The following ASXL2 variants were observed in gnomAD, a reference collection of about 807,000 sequenced individuals.
ASXL2 encodes the protein putative Polycomb group protein ASXL2.
A neutral mutation model predicts 122.0 loss-of-function variants in ASXL2; 23 were observed. The observed-to-expected ratio is 0.19, with a 90% confidence interval of 0.14 to 0.27. ASXL2 has a LOEUF of 0.27. Among genes scored for constraint, ASXL2 ranks in the 10% least tolerant of loss-of-function variants. ASXL2 has a pLI of 1.00. For synonymous variants in ASXL2, 650 were observed against 637.0 expected, an observed-to-expected ratio of 1.02 and a Z score of -0.31; for missense variants, 1,518 against 1,713.8, an observed-to-expected ratio of 0.89 and a Z score of 2.02.
intron 3 of ASXL2, among the ~76,000 whole-genome samples, chr2:25,808,021 A>ACACACACACACACACACACC (rs766637532): frequency 6.7e-6 from 1 of 148,516 alleles, no homozygotes; most frequent in African/African-American, 2.5e-5. Context: ...ACACACACAC[A>ACACACACACACACACACACC]CTCTCCACCC....
At chr2:25,774,768 C>T (rs1219804184) in intron 5 of ASXL2, among the ~76,000 whole-genome samples, 2 of 152,176 alleles carry the variant, frequency 1.3e-5, no homozygotes, top group African/African-American at 2.4e-5. Context: ...TTAGGTGATA[C>T]TGCCAGTTTT....
intron 8 of ASXL2, among the ~76,000 whole-genome samples, chr2:25,763,746 T>G (rs567776190): frequency 2.0e-5 from 3 of 152,200 alleles, no homozygotes; most frequent in African/African-American, 4.8e-5. Flanking sequence ...CCCTATGAAG[T>G]AGGTAACTAT....
At chr2:25,803,303 C>T (rs2089027574) in intron 4 of ASXL2, among the ~76,000 whole-genome samples, 1 of 152,178 alleles carries the variant, frequency 6.6e-6, no homozygotes, top group Non-Finnish European at 1.5e-5. Context: ...TTTGTAATAT[C>T]CTTTATAATA....
intron 4 of ASXL2, among the ~76,000 whole-genome samples, chr2:25,804,772 G>C (rs1487765704): frequency 2.0e-5 from 3 of 152,146 alleles, no homozygotes; most frequent in Admixed American, 6.5e-5. Flanking sequence ...CTTGAAGGCC[G>C]GGCACGGTGG....
chr2:25,806,437 C>T (rs562481950), intron 3 of ASXL2, 100 bp from the exon 4 acceptor site: 2 of 724,194 alleles, frequency 2.8e-6, no homozygotes, highest in African/African-American at 1.8e-5. Context: ...AGTCAATACT[C>T]CTTTGACTTA....
Position 25,734,709 on chromosome 2 carries a change from GT to G in ASXL2, c.*7319del, listed in dbSNP as rs1553689475. ...TCTAATATAGTGTTTAGGAAGCCAA[GT>G]TCCATTTCACTTAACAGATGGAGGT... On this transcript the variant is annotated 3_prime_UTR_variant, in exon 13 of 13. Coordinates refer to ENST00000435504, the MANE Select transcript of ASXL2 (RefSeq NM_018263.6). 6.6e-6 allele frequency: 1 copy of G among 152,182 alleles called. No individual in the cohort carries two copies. Among genetic ancestry groups the G allele is most frequent in the Non-Finnish European group, 1.5e-5 (1 of 68,014 alleles). 9.4% of individuals were successfully genotyped at this position (152,182 alleles called of 1,614,324 possible).
At chr2:25,802,760 G>T (rs1361684552) in intron 4 of ASXL2, among the ~76,000 whole-genome samples, 1 of 152,082 alleles carries the variant, frequency 6.6e-6, no homozygotes, top group African/African-American at 2.4e-5. Flanking sequence ...GATCACCAAC[G>T]GCCAATAATT....
At chr2:25,797,203 T>C (rs1030170737) in intron 5 of ASXL2, among the ~76,000 whole-genome samples, 1 of 152,084 alleles carries the variant, frequency 6.6e-6, no homozygotes, top group South Asian at 2.1e-4. Context: ...TCCCAGCACT[T>C]TGGGAGGCCA....
chr2:25,755,887 C>A, intron 10 of ASXL2, 131 bp downstream of exon 10: 2 of 768,618 alleles, frequency 2.6e-6, no homozygotes, highest in Non-Finnish European at 4.5e-6. Flanking sequence ...GTGTTCCACA[C>A]ATGATGGTTA....
intron 1 of ASXL2, among the ~76,000 whole-genome samples, chr2:25,848,295 T>C (rs1319615186): frequency 6.6e-6 from 1 of 152,242 alleles, no homozygotes; most frequent in Non-Finnish European, 1.5e-5. Context: ...AATATTTTAA[T>C]GGGTTTTAAA....
rs2087784063 is a variant in ASXL2 at position 25,739,098 on chromosome 2, G to A, written c.*2931C>T. 1 of 152,172 alleles carries A rather than the reference G, an allele frequency of 6.6e-6. No homozygotes were observed. Among genetic ancestry groups the A allele is most frequent in the South Asian group, 2.1e-4 (1 of 4,832 alleles). The allele number at this position is 152,172 out of a possible 1,614,324, so 9.4% of individuals were successfully genotyped here. ...CTATATTATTGATGCTATCTCCTGGGGTGACCTGCAGTGGAGGACATCTGA... is the reference window on the plus strand; with the variant it reads ...CTATATTATTGATGCTATCTCCTGGAGTGACCTGCAGTGGAGGACATCTGA... On this transcript the variant is annotated 3_prime_UTR_variant, in exon 13 of 13. Coordinates refer to ENST00000435504, the MANE Select transcript of ASXL2 (RefSeq NM_018263.6).
chr2:25,828,836 A>C (rs911852745), intron 3 of ASXL2, among the ~76,000 whole-genome samples: 1 of 151,104 alleles, frequency 6.6e-6, no homozygotes, highest in Non-Finnish European at 1.5e-5. Context: ...AAAAAAAAAA[A>C]AAAAAAAAAA....
At chr2:25,847,105 A>T (rs1003843785) in intron 1 of ASXL2, among the ~76,000 whole-genome samples, 8 of 152,244 alleles carry the variant, frequency 5.3e-5, no homozygotes, top group African/African-American at 9.6e-5. Flanking sequence ...AATAACCAGT[A>T]ATATTTCCAA....
At chr2:25,839,888 CTTTTTTT>C (rs61637569) in intron 2 of ASXL2, among the ~76,000 whole-genome samples, 1 of 136,494 alleles carries the variant, frequency 7.3e-6, no homozygotes, top group Non-Finnish European at 1.6e-5. Context: ...ACCATGTTTT[CTTTTTTT>C]TTTTTTTCTT....
intron 3 of ASXL2, among the ~76,000 whole-genome samples, chr2:25,817,882 C>T (rs1342485172): frequency 3.3e-5 from 5 of 152,142 alleles, no homozygotes; most frequent in Non-Finnish European, 5.9e-5. Context: ...CTATACATAA[C>T]ATTCAAAGAT....
intron 11 of ASXL2, 27 bp from the exon 12 acceptor site, chr2:25,750,440 C>T (rs10178552): frequency 0.31 from 483,470 of 1,542,234 alleles, 79,039 homozygotes; most frequent in African/African-American, 0.42. Context: ...AGAAATATTC[C>T]AGTTGAAAAA....
chr2:25,749,130 T>G (rs955775972), intron 12 of ASXL2, among the ~76,000 whole-genome samples: 2 of 152,246 alleles, frequency 1.3e-5, no homozygotes, highest in African/African-American at 4.8e-5. Context: ...AATAGTCTCC[T>G]CATGCTTAGT....
intron 1 of ASXL2, among the ~76,000 whole-genome samples, chr2:25,858,086 C>A (rs1325285641): frequency 6.6e-6 from 1 of 152,130 alleles, no homozygotes; most frequent in Non-Finnish European, 1.5e-5. Flanking sequence ...TAACTACATT[C>A]AATGCTGAAT....
intron 3 of ASXL2, among the ~76,000 whole-genome samples, chr2:25,817,890 G>A (rs1030993471): frequency 6.6e-5 from 10 of 152,130 alleles, no homozygotes; most frequent in Admixed American, 6.5e-4. Flanking sequence ...AACATTCAAA[G>A]ATCAAGAGAC....
Sources: gnomAD v4.1 joint callset for allele counts (sites outside exome capture counted in the v4.1 genomes callset) on GRCh38, gnomAD v4.1.1 for gene constraint, MANE v1.5 for transcripts, NCBI Gene and HGNC (gene_info 2026-07-23, HGNC 2026-07-21) for gene names.